Variants in SUPT3H observed in about 807,000 individuals in gnomAD.
SUPT3H encodes the protein SPT3 homolog, SAGA and STAGA complex component.
A neutral mutation model predicts 44.3 loss-of-function variants in SUPT3H; 44 were observed. The observed-to-expected ratio is 0.99, with a 90% CI of 0.78 to 1.28. The LOEUF (loss-of-function observed/expected upper bound fraction) is 1.28. Ranked by LOEUF, SUPT3H falls within the 50% of genes most tolerant of loss-of-function variation. The pLI is 0.00. For synonymous variants in SUPT3H, 124 were observed against 125.6 expected (o/e 0.99, Z 0.09); for missense variants, 380 against 387.1 (o/e 0.98, Z 0.15).
At chr6:45,207,865 C>A (rs183302740) in intron 2 of SUPT3H, among the ~76,000 whole-genome samples, 1 of 152,286 alleles carries the variant, frequency 6.6e-6, no homozygotes, top group African/African-American at 2.4e-5. Context: ...CAAGATGCAA[C>A]AAAATTGGAA....
chr6:45,291,786 C>T (rs1447950130), intron 2 of SUPT3H, among the ~76,000 whole-genome samples: 1 of 152,108 alleles, frequency 6.6e-6, no homozygotes, highest in Non-Finnish European at 1.5e-5. Flanking sequence ...ACAGTCTGGG[C>T]TTATGTTAAA....
chr6:44,911,524 C>T (rs1259335635), intron 10 of SUPT3H, among the ~76,000 whole-genome samples: 1 of 152,036 alleles, frequency 6.6e-6, no homozygotes, highest in Non-Finnish European at 1.5e-5. Context: ...TGTATTAGTA[C>T]CATCATGATG....
Position 44,843,927 on chromosome 6 carries a change from GCACACACACACACA to G in SUPT3H, c.913-14084_913-14071del, listed in dbSNP as rs56329630. Among the ~76,000 whole-genome samples the G allele has an allele frequency of 1.9e-4, 28 of 148,110 alleles. No homozygotes were observed. The South Asian group carries it at 3.4e-3, about 18-fold the overall frequency. The stretch of plus-strand genomic sequence containing the variant: ...CAAACACACACACACACACACACAC[GCACACACACACACA>G]CACACACACACACACACATGCACAG... On this transcript the variant is annotated intron_variant, in intron 10 of 10. Coordinates refer to ENST00000371459, the MANE Select transcript of SUPT3H (RefSeq NM_003599.4).
intron 6 of SUPT3H, among the ~76,000 whole-genome samples, chr6:44,986,154 T>C (rs1378749760): frequency 6.6e-6 from 1 of 152,032 alleles, no homozygotes; most frequent in Non-Finnish European, 1.5e-5. Flanking sequence ...ACTCGAGAAG[T>C]TTCTTCCAGA....
At chr6:44,883,578 T>C (rs1778620306) in intron 10 of SUPT3H, among the ~76,000 whole-genome samples, 1 of 152,182 alleles carries the variant, frequency 6.6e-6, no homozygotes, top group African/African-American at 2.4e-5. Flanking sequence ...AAGACAGTCC[T>C]AAGCAAAAAG....
intron 2 of SUPT3H, among the ~76,000 whole-genome samples, chr6:45,277,943 G>A (rs193186003): frequency 1.1e-4 from 17 of 152,272 alleles, no homozygotes; most frequent in African/African-American, 4.1e-4. Flanking sequence ...ATACTATGCA[G>A]CCATAAAAAA....
In SUPT3H at chr6:45,124,738, T is replaced by C. The variant is rs1347368293; in HGVS notation, c.102-18732A>G. Among the ~76,000 whole-genome samples the C allele has an allele frequency of 7.9e-5, 12 of 152,060 alleles. No homozygotes were observed. In the East Asian group the frequency reaches 2.1e-3, roughly 27 times the overall value. Reference sequence around the variant, plus strand: ...ATGTTTAAAATAATAATAAAAAAACTGTTATAGGTTGAATTGTGTCCTTCC... The same window carrying C: ...ATGTTTAAAATAATAATAAAAAAACCGTTATAGGTTGAATTGTGTCCTTCC... On this transcript the variant is annotated intron_variant, in intron 2 of 10. Transcript: ENST00000371459.
intron 3 of SUPT3H, among the ~76,000 whole-genome samples, chr6:45,063,517 T>G (rs557938502): frequency 0.22 from 27,387 of 124,550 alleles, 3,295 homozygotes; most frequent in Non-Finnish European, 0.29. Flanking sequence ...CTCTGAGCTA[T>G]GGGAGGACAT....
At chr6:45,311,046 G>C (rs763158065) in intron 2 of SUPT3H, among the ~76,000 whole-genome samples, 1 of 152,190 alleles carries the variant, frequency 6.6e-6, no homozygotes. Context: ...AAGAAGTGAA[G>C]GGATCAATAT....
intron 2 of SUPT3H, among the ~76,000 whole-genome samples, chr6:45,231,874 T>C (rs1768125475): frequency 6.6e-6 from 1 of 152,176 alleles, no homozygotes; most frequent in Non-Finnish European, 1.5e-5. Context: ...AGTCTATTGC[T>C]GAAGCTTTCG....
chr6:45,042,302 A>C (rs1788663931), intron 3 of SUPT3H, among the ~76,000 whole-genome samples: 1 of 152,154 alleles, frequency 6.6e-6, no homozygotes, highest in Admixed American at 6.5e-5. Flanking sequence ...AGGCACCTGT[A>C]ATCCCAGCTA....
intron 2 of SUPT3H, among the ~76,000 whole-genome samples, chr6:45,271,910 T>C (rs750162742): frequency 1.3e-5 from 2 of 152,160 alleles, no homozygotes; most frequent in Non-Finnish European, 2.9e-5. Context: ...ATGTGAGACA[T>C]GGGGTCAAAG....
At chr6:44,984,696 A>G (rs1046710440) in intron 6 of SUPT3H, among the ~76,000 whole-genome samples, 1 of 152,138 alleles carries the variant, frequency 6.6e-6, no homozygotes, top group Non-Finnish European at 1.5e-5. Flanking sequence ...ATCCTGACAA[A>G]ACTGACCTCT....
At chr6:44,824,656 G>T (rs1363022494), downstream of SUPT3H, among the ~76,000 whole-genome samples, 1 of 152,164 alleles carries the variant, frequency 6.6e-6, no homozygotes, top group African/African-American at 2.4e-5. Flanking sequence ...TATAATCCCA[G>T]CATTTTGGGA....
At chr6:45,366,633 C>T (rs1456987753) in intron 1 of SUPT3H, among the ~76,000 whole-genome samples, 1 of 151,996 alleles carries the variant, frequency 6.6e-6, no homozygotes, top group Non-Finnish European at 1.5e-5. Context: ...GTTTTTAAAA[C>T]TTAAACATTT....
intron 3 of SUPT3H, among the ~76,000 whole-genome samples, chr6:45,055,188 C>T (rs2153538550): frequency 6.6e-6 from 1 of 152,106 alleles, no homozygotes; most frequent in East Asian, 1.9e-4. Context: ...AATATATTAT[C>T]TAAAGGTTCC....
chr6:44,994,545 T>C (rs1781022941), intron 6 of SUPT3H, among the ~76,000 whole-genome samples: 1 of 152,104 alleles, frequency 6.6e-6, no homozygotes, highest in African/African-American at 2.4e-5. Context: ...ACACTCAACT[T>C]CAGGGATGAA....
chr6:44,823,821 G>C (rs1371581212), downstream of SUPT3H, among the ~76,000 whole-genome samples: 2 of 152,144 alleles, frequency 1.3e-5, no homozygotes, highest in Non-Finnish European at 2.9e-5. Flanking sequence ...AAATTAGCTG[G>C]GCGTGGTGGC....
intron 6 of SUPT3H, among the ~76,000 whole-genome samples, chr6:44,998,518 T>A (rs1781566123): frequency 6.6e-6 from 1 of 152,028 alleles, no homozygotes; most frequent in South Asian, 2.1e-4. Flanking sequence ...TAAATTGTGG[T>A]CTTCTGTCAA....
Sources: gnomAD v4.1 joint callset for allele counts (sites outside exome capture counted in the v4.1 genomes callset) on GRCh38, gnomAD v4.1.1 for gene constraint, MANE v1.5 for transcripts, NCBI Gene and HGNC (gene_info 2026-07-23, HGNC 2026-07-21) for gene names.